CD226: variants seen among roughly 807,000 people sequenced by gnomAD.
CD226 encodes the protein CD226 molecule.
In CD226, 24 loss-of-function variants were observed where a neutral mutation model predicts 34.9. The observed-to-expected ratio is 0.69, with a 90% CI of 0.50 to 0.97. CD226 has a LOEUF of 0.97. Ranked by LOEUF, CD226 falls within the 50% of genes least tolerant of loss-of-function variation. CD226 has a pLI of 0.00. For synonymous variants in CD226, 148 were observed against 147.4 expected, an observed-to-expected ratio of 1.00 and a Z score of -0.03; for missense variants, 397 against 412.7, an observed-to-expected ratio of 0.96 and a Z score of 0.33.
rs59216052 is a variant in CD226, at chr18:69,861,554, G to GTGTATATATATATATATATATA, written c.*2759_*2760insTATATATATATATATATATACA. 182 of 127,940 alleles carry GTGTATATATATATATATATATA rather than the reference G, an allele frequency of 1.4e-3. 1 individual carries two copies. In the East Asian group the frequency reaches 0.02, roughly 14 times the overall value. The allele number at this position is 127,940 out of a possible 1,614,324, so 7.9% of individuals were successfully genotyped here. On this transcript the variant is annotated 3_prime_UTR_variant, in exon 6 of 6. Coordinates refer to ENST00000582621, the MANE Select transcript of CD226 (RefSeq NM_001303618.2). ...ATAAATTATATGTGTATATATATAT[G>GTGTATATATATATATATATATA]TATATATATATATATATATGTAAAA...
chr18:69,881,041 T>G (rs916102516), intron 3 of CD226, among the ~76,000 whole-genome samples: 35 of 152,300 alleles, frequency 2.3e-4, no homozygotes, highest in African/African-American at 7.2e-4. Flanking sequence ...TATCTCACAG[T>G]AGAAATCATA....
At chr18:69,944,299 G>A (rs571723252) in intron 2 of CD226, among the ~76,000 whole-genome samples, 27 of 152,148 alleles carry the variant, frequency 1.8e-4, no homozygotes, top group African/African-American at 6.5e-4. Flanking sequence ...CAAACTAGAC[G>A]GACAGCCGGT....
chr18:69,931,192 T>C (rs2055584923), intron 2 of CD226, among the ~76,000 whole-genome samples: 1 of 150,778 alleles, frequency 6.6e-6, no homozygotes, highest in African/African-American at 2.4e-5. Flanking sequence ...TGAGAACACA[T>C]GGACACAGGA....
chr18:69,897,934 C>T lies in CD226; in HGVS notation c.383-1889G>A, dbSNP rs1568178581. Among the ~76,000 whole-genome samples, 3 of 151,858 alleles carry T rather than the reference C, an allele frequency of 2.0e-5. No individual in the cohort carries two copies. In the South Asian group the frequency reaches 6.2e-4, roughly 32 times the overall value. Reference sequence around the variant, plus strand: ...CTTTCTCCTCTGTACAACCGTTTACCAAAGGTAGCACTTTACCCACATAAC... The same window carrying T: ...CTTTCTCCTCTGTACAACCGTTTACTAAAGGTAGCACTTTACCCACATAAC... On this transcript the variant is annotated intron_variant, in intron 2 of 5. Transcript: ENST00000582621.
chr18:69,882,754 T>C (rs1194017853), intron 3 of CD226, among the ~76,000 whole-genome samples: 1 of 152,234 alleles, frequency 6.6e-6, no homozygotes, highest in Non-Finnish European at 1.5e-5. Context: ...TGTAGCAGGC[T>C]TGGATTCTGG....
chr18:69,871,849 C>T (rs1443087487), intron 4 of CD226, among the ~76,000 whole-genome samples: 3 of 152,084 alleles, frequency 2.0e-5, no homozygotes, highest in African/African-American at 7.2e-5. Context: ...GGGAAGATAA[C>T]CAAAGATATT....
chr18:69,918,548 A>G (rs2055413643), intron 2 of CD226, among the ~76,000 whole-genome samples: 1 of 152,104 alleles, frequency 6.6e-6, no homozygotes, highest in Non-Finnish European at 1.5e-5. Flanking sequence ...ACAGAGTGGG[A>G]CTCTGTCTCA....
At chr18:69,941,699 C>T (rs957796644) in intron 2 of CD226, among the ~76,000 whole-genome samples, 1 of 152,182 alleles carries the variant, frequency 6.6e-6, no homozygotes, top group Non-Finnish European at 1.5e-5. Flanking sequence ...GCGGAAGGTA[C>T]TTGCCTTGTC....
chr18:69,949,617 A>C (rs1682856279), upstream of CD226, among the ~76,000 whole-genome samples: 1 of 152,040 alleles, frequency 6.6e-6, no homozygotes, highest in Non-Finnish European at 1.5e-5. Context: ...GCACACACTG[A>C]CACACTCACG....
upstream of CD226, among the ~76,000 whole-genome samples, chr18:69,952,466 T>C (rs935953080): frequency 5.9e-5 from 9 of 152,188 alleles, no homozygotes; most frequent in Admixed American, 3.3e-4. Flanking sequence ...CTATGAACAA[T>C]TGATATTCAA....
intron 2 of CD226, among the ~76,000 whole-genome samples, chr18:69,927,898 T>G (rs1044988303): frequency 6.6e-6 from 1 of 152,172 alleles, no homozygotes; most frequent in African/African-American, 2.4e-5. Flanking sequence ...TGAACATGAG[T>G]GTACTAAGTT....
chr18:69,947,224 T>C (rs1027809417), intron 1 of CD226, 137 bp downstream of exon 1: 13 of 927,220 alleles, frequency 1.4e-5, no homozygotes, highest in South Asian at 6.8e-5. Context: ...AATTGGAAAA[T>C]GTAACTTTTA....
intron 2 of CD226, among the ~76,000 whole-genome samples, chr18:69,943,662 C>T (rs1237372428): frequency 6.6e-6 from 1 of 152,188 alleles, no homozygotes; most frequent in Non-Finnish European, 1.5e-5. Flanking sequence ...GTCCCCCAGG[C>T]TGACAGTTAC....
intron 3 of CD226, among the ~76,000 whole-genome samples, chr18:69,891,324 A>G (rs1788093): frequency 0.97 from 146,640 of 151,764 alleles, 71,068 homozygotes; most frequent in East Asian, 1. Context: ...AGGTACAGAA[A>G]GAATTTACCC....
At chr18:69,932,490 C>G (rs745903081) in intron 2 of CD226, among the ~76,000 whole-genome samples, 1 of 152,148 alleles carries the variant, frequency 6.6e-6, no homozygotes, top group East Asian at 1.9e-4. Flanking sequence ...GATCACACAT[C>G]AAATTTCTTT....
rs33943534 is a variant in CD226 at position 69,896,181 on chromosome 18, C to CTTTTT, written c.383-141_383-137dup. 418 of 1,206,098 alleles carry CTTTTT rather than the reference C, an allele frequency of 3.5e-4. No homozygotes were observed. The East Asian group carries it at 6.6e-3, about 19-fold the overall frequency. The allele number at this position is 1,206,098 out of a possible 1,614,324, so 74.7% of individuals were successfully genotyped here. A position where few individuals can be genotyped will look rare whatever the true frequency, so the allele number is the denominator to read the frequency against. On this transcript the variant is annotated intron_variant, in intron 2 of 5. Transcript: ENST00000582621. The stretch of plus-strand genomic sequence containing the variant: ...CGTTGTGAATGACCTCTTTATACTA[C>CTTTTT]TTTTTTTTTTTTTTTCCTGAGACGG...
At chr18:69,894,779 T>G (rs1985168172) in intron 3 of CD226, among the ~76,000 whole-genome samples, 1 of 151,724 alleles carries the variant, frequency 6.6e-6, no homozygotes, top group Non-Finnish European at 1.5e-5. Context: ...TTCCTCTCTC[T>G]CAACTGTAAT....
upstream of CD226, among the ~76,000 whole-genome samples, chr18:69,948,818 T>C (rs2055821994): frequency 6.6e-6 from 1 of 152,204 alleles, no homozygotes. Flanking sequence ...CCCTTGGAAA[T>C]ACAATCATAA....
At chr18:69,877,765 G>A (rs577452282) in intron 3 of CD226, among the ~76,000 whole-genome samples, 6 of 152,270 alleles carry the variant, frequency 3.9e-5, no homozygotes, top group African/African-American at 1.4e-4. Context: ...CACAATACCT[G>A]ATTTAGTGGA....
Sources: allele counts gnomAD v4.1 joint callset (sites outside exome capture counted in the v4.1 genomes callset), GRCh38; gene constraint gnomAD v4.1.1; transcripts MANE v1.5; gene names NCBI Gene and HGNC (gene_info 2026-07-23, HGNC 2026-07-21).